Variants in EBF3 observed in about 807,000 individuals in gnomAD.
EBF3 encodes the protein transcription factor COE3.
EBF3 carries 18 observed loss-of-function variants against 77.1 expected under a neutral mutation model. The ratio of observed to expected loss-of-function variants is 0.23; its 90% CI spans 0.16 to 0.35. The LOEUF is 0.35. EBF3 is among the 10% of genes least tolerant of loss of function. The pLI is 1.00. For missense variants in EBF3, 558 were observed against 860.0 expected (o/e 0.65, Z 4.39); for synonymous variants, 350 against 343.5 (o/e 1.02, Z -0.21).
chr10:129,838,964 C>T (rs907865944), intron 16 of EBF3, 119 bp downstream of exon 16: 44 of 997,588 alleles, frequency 4.4e-5, no homozygotes, highest in Middle Eastern at 2.6e-4. Context: ...GCCTCTGCAA[C>T]GACCCTGGTG....
At chr10:129,941,284 T>C (rs1857717742) in intron 6 of EBF3, among the ~76,000 whole-genome samples, 1 of 152,224 alleles carries the variant, frequency 6.6e-6, no homozygotes, top group Non-Finnish European at 1.5e-5. Flanking sequence ...GGGTGTCAGA[T>C]GAGCCGGGCT....
intron 10 of EBF3, among the ~76,000 whole-genome samples, chr10:129,865,320 TC>T (rs1407635794): frequency 1.3e-5 from 2 of 152,216 alleles, no homozygotes; most frequent in African/African-American, 4.8e-5. Context: ...TTTAAAAGGT[TC>T]CCCAATTTTT....
At chr10:129,940,703 G>T (rs1236676254) in intron 6 of EBF3, among the ~76,000 whole-genome samples, 1 of 152,206 alleles carries the variant, frequency 6.6e-6, no homozygotes, top group African/African-American at 2.4e-5. Flanking sequence ...GGAAGTAGGG[G>T]GCTGGCAGAG....
At chr10:129,913,129 T>C (rs999048394) in intron 6 of EBF3, among the ~76,000 whole-genome samples, 1 of 152,270 alleles carries the variant, frequency 6.6e-6, no homozygotes, top group Non-Finnish European at 1.5e-5. Context: ...GGCATTTTTC[T>C]CTTGCCTGAC....
Position 129,840,333 on chromosome 10 carries a change from C to A in EBF3, c.1671G>T (p.Val557=). The A allele has an allele frequency of 1.3e-6, 2 of 1,586,172 alleles. No homozygotes were observed. Among genetic ancestry groups the A allele is most frequent in the Non-Finnish European group, 1.7e-6 (2 of 1,165,800 alleles). ...CGGGCGCGAAGGCGCTCTTCTGTTTCACTGCGGAGATGACATTGGCAGGTG... is the reference window on the plus strand; with the variant it reads ...CGGGCGCGAAGGCGCTCTTCTGTTTAACTGCGGAGATGACATTGGCAGGTG... ...SFSPANVISA[V]KQKSAFAPVV... The change falls in exon 15 of 17, where the codon GTG becomes GTT. Residue 557 remains valine, a synonymous_variant. Coordinates refer to ENST00000440978, the MANE Select transcript of EBF3 (RefSeq NM_001375380.1).
intron 6 of EBF3, among the ~76,000 whole-genome samples, chr10:129,937,149 G>C (rs1857419683): frequency 6.6e-6 from 1 of 152,164 alleles, no homozygotes; most frequent in African/African-American, 2.4e-5. Context: ...ATCGTGCCGG[G>C]AACAAGATCC....
In EBF3 at chr10:129,877,860, T is replaced by C. The variant is rs777006811; in HGVS notation, c.555-11A>G. On this transcript the variant is annotated splice_polypyrimidine_tract_variant and intron_variant, in intron 6 of 16. Coordinates refer to ENST00000440978, the MANE Select transcript of EBF3 (RefSeq NM_001375380.1). ...AACTTTAGAAAGAATCTATAAAAAA[T>C]ACAAAAAGATGATATTTATTAGGGT... The C allele has an allele frequency of 1.9e-6, 3 of 1,597,760 alleles. No homozygotes were observed. The highest frequency in any genetic ancestry group is 2.6e-6 in the Non-Finnish European group (3 of 1,169,072).
chr10:129,932,983 T>C (rs1857127882), intron 6 of EBF3, among the ~76,000 whole-genome samples: 1 of 151,484 alleles, frequency 6.6e-6, no homozygotes, highest in Non-Finnish European at 1.5e-5. Context: ...ACAGTGAGAT[T>C]GCTAATCAGG....
Position 129,897,476 on chromosome 10 carries a change from C to A in EBF3, c.555-19627G>T, listed in dbSNP as rs542907869. Among the ~76,000 whole-genome samples the A allele has an allele frequency of 1.3e-5, 2 of 152,290 alleles. No homozygotes were observed. The highest frequency in any genetic ancestry group is 4.1e-4 in the South Asian group (2 of 4,830). On this transcript the variant is annotated intron_variant, in intron 6 of 16. Coordinates refer to ENST00000440978, the MANE Select transcript of EBF3 (RefSeq NM_001375380.1). The surrounding 1 kb of genome is among the most constrained non-coding windows in gnomAD (Gnocchi z 4.6). ...CACCCTCCCCTGCAGACTGGCTCCC[C>A]CTAAATCAAGGGGGGCCAGGCAGAC...
intron 6 of EBF3, among the ~76,000 whole-genome samples, chr10:129,914,963 A>G (rs551924642): frequency 6.6e-6 from 1 of 152,328 alleles, no homozygotes; most frequent in South Asian, 2.1e-4. Flanking sequence ...GCATCTGTGA[A>G]AAGAGAACAT....
At chr10:129,902,267 T>C (rs541910852) in intron 6 of EBF3, among the ~76,000 whole-genome samples, 3 of 150,372 alleles carry the variant, frequency 2.0e-5, no homozygotes, top group Non-Finnish European at 3.0e-5. Context: ...CAATGCCTCA[T>C]CTACTTTCTC....
chr10:129,886,292 A>G (rs1176763871), intron 6 of EBF3, among the ~76,000 whole-genome samples: 1 of 152,236 alleles, frequency 6.6e-6, no homozygotes, highest in Non-Finnish European at 1.5e-5. Flanking sequence ...TTATTAAAAC[A>G]TTATAAATGA....
At chr10:129,933,210 CCA>C (rs886247870) in intron 6 of EBF3, among the ~76,000 whole-genome samples, 4 of 152,178 alleles carry the variant, frequency 2.6e-5, no homozygotes, top group African/African-American at 9.6e-5. Flanking sequence ...ACACGTGCAC[CCA>C]CACACACACA....
rs950272501 is a variant in EBF3 at position 129,836,742 on chromosome 10, C to T, written c.*1201G>A. The T allele has an allele frequency of 4.6e-5, 7 of 152,212 alleles. No individual in the cohort carries two copies. The highest frequency in any genetic ancestry group is 1.0e-4 in the Non-Finnish European group (7 of 68,006). 9.4% of individuals were successfully genotyped at this position (152,212 alleles called of 1,614,324 possible). On this transcript the variant is annotated 3_prime_UTR_variant, in exon 17 of 17. Coordinates refer to ENST00000440978, the MANE Select transcript of EBF3 (RefSeq NM_001375380.1). ...TCTTCCCAGTATCACAACACCAGGCCGTGATCAAAAACCAATACAGACAAG... is the reference window on the plus strand; with the variant it reads ...TCTTCCCAGTATCACAACACCAGGCTGTGATCAAAAACCAATACAGACAAG...
intron 6 of EBF3, among the ~76,000 whole-genome samples, chr10:129,900,029 C>T (rs1207618974): frequency 6.6e-6 from 1 of 152,204 alleles, no homozygotes; most frequent in African/African-American, 2.4e-5. Context: ...TTTAAATTAA[C>T]TTAGATTTAG....
intron 6 of EBF3, among the ~76,000 whole-genome samples, chr10:129,922,418 C>A (rs1205544545): frequency 1.3e-5 from 2 of 152,244 alleles, no homozygotes; most frequent in African/African-American, 4.8e-5. Context: ...CCCGTGCCCC[C>A]CGGCCCTCAG....
chr10:129,941,885 G>A (rs1482006766), intron 6 of EBF3, among the ~76,000 whole-genome samples: 1 of 152,216 alleles, frequency 6.6e-6, no homozygotes, highest in African/African-American at 2.4e-5. Flanking sequence ...GTCATCCCAG[G>A]GCCAGGTGCT....
At chr10:129,855,500 C>T (rs1292393129) in intron 10 of EBF3, among the ~76,000 whole-genome samples, 1 of 152,244 alleles carries the variant, frequency 6.6e-6, no homozygotes, top group East Asian at 1.9e-4. Context: ...AAAACTAAGG[C>T]ACGTGGCCTC....
At chr10:129,912,891 T>C (rs1855620303) in intron 6 of EBF3, among the ~76,000 whole-genome samples, 1 of 152,262 alleles carries the variant, frequency 6.6e-6, no homozygotes, top group Admixed American at 6.5e-5. Context: ...AGCGTTTCAT[T>C]ACAAGAAAGC....
Sources: allele counts gnomAD v4.1 joint callset (sites outside exome capture counted in the v4.1 genomes callset), GRCh38; gene constraint gnomAD v4.1.1; non-coding constraint Gnocchi (gnomAD v3.1); transcripts MANE v1.5; gene names NCBI Gene and HGNC (gene_info 2026-07-23, HGNC 2026-07-21).